The following RYR1 variants were observed in gnomAD, a reference collection of about 807,000 sequenced individuals.
RYR1 encodes the protein ryanodine receptor 1.
RYR1 carries 342 observed loss-of-function variants against 583.5 expected under a neutral mutation model. That is an observed-to-expected ratio of 0.59 (90% CI 0.54 to 0.64). The LOEUF (loss-of-function observed/expected upper bound fraction) is 0.64, where lower values mean the gene tolerates loss of function less well. RYR1 is among the 30% of genes least tolerant of loss of function. RYR1 has a pLI of 0.00. For missense variants in RYR1, 6,032 were observed against 6,917.2 expected (o/e 0.87, Z 4.54); for synonymous variants, 2,791 against 2,822.5 (o/e 0.99, Z 0.35).
chr19:38,489,960 G>C, intron 35 of RYR1, 116 bp from the exon 36 acceptor site: 1 of 1,063,980 alleles, frequency 9.4e-7, no homozygotes, highest in Non-Finnish European at 1.4e-6. Flanking sequence ...GGCGGGAAAT[G>C]ATTTTGGCTG....
rs140513109 is a variant in RYR1, at chr19:38,436,454, C to T, written c.45+2580C>T. On this transcript the variant is annotated intron_variant, in intron 1 of 105. Coordinates refer to ENST00000359596, the MANE Select transcript of RYR1 (RefSeq NM_000540.3). ...AAACTCCTGGGCTCAAGAAATCCTC[C>T]GGCCTTGGCCTCCCAAAGTTTTGGG... 5.9e-4 allele frequency among the ~76,000 whole-genome samples: 90 copies of T among 152,194 alleles called. 1 individual carries two copies. In the East Asian group the frequency reaches 9.5e-3, roughly 16 times the overall value.
At chr19:38,485,225 CCATCCCAGGGACCCCAGAGG>C (rs1969221535) in intron 33 of RYR1, among the ~76,000 whole-genome samples, 1 of 152,134 alleles carries the variant, frequency 6.6e-6, no homozygotes, top group Admixed American at 6.6e-5. Flanking sequence ...AAGTCCCAGA[CCATCCCAGGGACCCCAGAGG>C]TATCCCAGGG....
intron 102 of RYR1, 26 bp downstream of exon 102, chr19:38,585,125 G>A: frequency 6.2e-7 from 1 of 1,611,576 alleles, no homozygotes; most frequent in South Asian, 1.1e-5. Flanking sequence ...GGGCGCTCAG[G>A]GCCCGGAGGC....
intron 31 of RYR1, among the ~76,000 whole-genome samples, chr19:38,479,104 C>T (rs1298925593): frequency 6.6e-6 from 1 of 152,182 alleles, no homozygotes; most frequent in African/African-American, 2.4e-5. Flanking sequence ...GGTTTCTGTT[C>T]CCTCTTGAGC....
chr19:38,440,817 G>A lies in RYR1; in HGVS notation c.118G>A (p.Gly40Ser). The A allele has an allele frequency of 6.2e-7, 1 of 1,610,068 alleles. No homozygotes were observed. Among genetic ancestry groups the A allele is most frequent in the Non-Finnish European group, 8.5e-7 (1 of 1,179,002 alleles). Residue 40 changes from glycine (G) to serine (S), a missense_variant, in exon 2 of 106, where the codon GGC (glycine) becomes AGC (serine). Physicochemically the swap from Gly to Ser is moderately conservative, Grantham distance 56. Around this residue, in one of 11 missense-constraint regions of RYR1, gnomAD observed 71 missense variants for 75.3 expected, o/e 0.94. Coordinates refer to ENST00000359596, the MANE Select transcript of RYR1 (RefSeq NM_000540.3). The stretch of plus-strand genomic sequence containing the variant: ...GCTCAAGCTCTGCCTGGCCGCCGAG[G>A]GCTTCGGCAACCGCCTGTGCTTCCT... ...EQLKLCLAAE[G>S]FGNRLCFLEP...
rs1227863277 is a variant in RYR1, at chr19:38,506,300, C to G, written c.8542-3C>G. 1.2e-6 allele frequency: 2 copies of G among 1,614,032 alleles called. No homozygotes were observed. Among genetic ancestry groups the G allele is most frequent in the African/African-American group, 1.3e-5 (1 of 74,982 alleles). ...ACCTCCCATCTTCCCCTTGTCCTCT[C>G]AGACCTATGATCCTCGAGAAGGCTA... On this transcript the variant is annotated splice_polypyrimidine_tract_variant and splice_region_variant and intron_variant, in intron 54 of 105. Transcript: ENST00000359596.
Position 38,492,593 on chromosome 19 carries a change from A to C in RYR1, c.6231A>C (p.Glu2077Asp). The C allele has an allele frequency of 6.2e-7, 1 of 1,606,318 alleles. No individual in the cohort carries two copies. The highest frequency in any genetic ancestry group is 8.5e-7 in the Non-Finnish European group (1 of 1,175,378). Reference protein sequence around the residue: ...LEKVRLVKKKEEKPEEERSAE... With the variant: ...LEKVRLVKKKDEKPEEERSAE... ...AAGTGCGGCTGGTGAAGAAGAAGGA[A>C]GAGAAACCTGAGGAGGAGCGGTCAG... is the stretch of plus-strand genomic sequence containing the variant. Residue 2077 changes from glutamate (E) to aspartate (D), a missense_variant, in exon 38 of 106, where the codon GAA (glutamate) becomes GAC (aspartate). Around this residue, in one of 11 missense-constraint regions of RYR1, gnomAD observed 2,627 missense variants for 2,961.3 expected, o/e 0.89. Coordinates refer to ENST00000359596, the MANE Select transcript of RYR1 (RefSeq NM_000540.3).
chr19:38,525,635 C>T (rs1263920301), intron 71 of RYR1, 133 bp downstream of exon 71: 1 of 988,684 alleles, frequency 1.0e-6, no homozygotes, highest in African/African-American at 1.6e-5. Context: ...TCAGACCCCA[C>T]TGAGTTCTTT....
In RYR1 at chr19:38,528,592, C is replaced by T. The variant is rs201651099; in HGVS notation, c.10938-7C>T. ...CGTCCCAGTGACGTCACACCTCTCC[C>T]CTGCAGGCACCGGGCATGTAACATG... is the stretch of plus-strand genomic sequence containing the variant. On this transcript the variant is annotated splice_region_variant and splice_polypyrimidine_tract_variant and intron_variant, in intron 74 of 105. Coordinates refer to ENST00000359596, the MANE Select transcript of RYR1 (RefSeq NM_000540.3). The T allele has an allele frequency of 6.2e-7, 1 of 1,614,070 alleles. No homozygotes were observed. Among genetic ancestry groups the T allele is most frequent in the East Asian group, 2.2e-5 (1 of 44,876 alleles).
chr19:38,463,753 G>C lies in RYR1; in HGVS notation c.2689G>C (p.Asp897His), dbSNP rs1201573826. Residue 897 changes from aspartate (D) to histidine (H), a missense_variant, in exon 22 of 106, where the codon GAT (aspartate) becomes CAT (histidine). Coordinates refer to ENST00000359596, the MANE Select transcript of RYR1 (RefSeq NM_000540.3). Reference protein sequence around the residue: ...EQGWTYGPVRDDNKRLHPCLV... With the variant: ...EQGWTYGPVRHDNKRLHPCLV... ...GACCCTGGGTTTTCTCCAGGTTCGG[G>C]ATGACAACAAGAGGCTGCACCCGTG... The C allele has an allele frequency of 1.9e-6, 3 of 1,614,118 alleles. No homozygotes were observed. Among genetic ancestry groups the C allele is most frequent in the Non-Finnish European group, 2.5e-6 (3 of 1,180,006 alleles).
intron 58 of RYR1, among the ~76,000 whole-genome samples, chr19:38,509,035 A>G (rs1036107089): frequency 2.1e-5 from 3 of 141,610 alleles, no homozygotes; most frequent in South Asian, 4.9e-4. Context: ...AATCCCCTCC[A>G]GTTTCCCTTA....
chr19:38,549,765 G>T lies in RYR1; in HGVS notation c.12282+1345G>T, dbSNP rs1282290859. Reference sequence around the variant, plus strand: ...TTGTTGCCCAGGCTGGAGTGCAGTGGTGCAATCTCAGCTCAGTGCAACCTC... The same window carrying T: ...TTGTTGCCCAGGCTGGAGTGCAGTGTTGCAATCTCAGCTCAGTGCAACCTC... On this transcript the variant is annotated intron_variant, in intron 89 of 105. Transcript: ENST00000359596. Among the ~76,000 whole-genome samples, 3 of 134,814 alleles carry T rather than the reference G, an allele frequency of 2.2e-5. No homozygotes were observed. The East Asian group carries it at 6.8e-4, about 31-fold the overall frequency. The allele number at this position is 134,814 out of a possible 152,430, so 88.4% of individuals were successfully genotyped here.
At chr19:38,506,702 C>G in intron 56 of RYR1, 127 bp from the exon 57 acceptor site, 1 of 1,509,534 alleles carries the variant, frequency 6.6e-7, no homozygotes, top group South Asian at 1.2e-5. Context: ...CACCAGCAAG[C>G]AATGTTTCCG....
Position 38,473,413 on chromosome 19 carries a change from T to C in RYR1, c.3802T>C (p.Cys1268Arg). Residue 1268 changes from cysteine (C) to arginine (R), a missense_variant, in exon 28 of 106, where the codon TGC (cysteine) becomes CGC (arginine). By Grantham distance (180) the Cys-to-Arg change is radical. Coordinates refer to ENST00000359596, the MANE Select transcript of RYR1 (RefSeq NM_000540.3). ...GGACGGCACTGTGGACACGCCCCCC[T>C]GCCTGCGCCTGACCCACCGCACCTG... ...RVDGTVDTPP[C>R]LRLTHRTWGS... 6.2e-7 allele frequency: 1 copy of C among 1,613,844 alleles called. No individual in the cohort carries two copies. Among genetic ancestry groups the C allele is most frequent in the African/African-American group, 1.3e-5 (1 of 75,010 alleles).
chr19:38,496,788 G>C lies in RYR1; in HGVS notation c.6797-72G>C, dbSNP rs1747470460. The C allele has an allele frequency of 1.4e-6, 2 of 1,443,124 alleles. No individual in the cohort carries two copies. Among genetic ancestry groups the C allele is most frequent in the East Asian group, 4.5e-5 (2 of 44,014 alleles). The allele number at this position is 1,443,124 out of a possible 1,614,324, so 89.4% of individuals were successfully genotyped here. On this transcript the variant is annotated intron_variant, in intron 41 of 105. Coordinates refer to ENST00000359596, the MANE Select transcript of RYR1 (RefSeq NM_000540.3). The surrounding 1 kb of genome is among the most constrained non-coding windows in gnomAD (Gnocchi z 4.8). ...CCTGATCCAGGCTGGAAAAAGGGTG[G>C]TCAGGGAGGGCTTCCCAGAGGAGGC...
Position 38,486,195 on chromosome 19 carries a change from C to A in RYR1, c.5540C>A (p.Thr1847Asn), listed in dbSNP as rs1456354042. ...QFVPVLKLVSTLLVMGIFGDE... is the reference protein window; with the variant it reads ...QFVPVLKLVSNLLVMGIFGDE... ...GTGCCTGTGCTCAAGCTCGTGTCCA[C>A]CCTGCTGGTAATGGCTTCCTCCTGC... Residue 1847 changes from threonine (T) to asparagine (N), a missense_variant, in exon 34 of 106, where the codon ACC (threonine) becomes AAC (asparagine). Physicochemically the swap from Thr to Asn is moderately conservative, Grantham distance 65. Around this residue, in one of 11 missense-constraint regions of RYR1, gnomAD observed 2,627 missense variants for 2,961.3 expected, o/e 0.89. Transcript: ENST00000359596. 3.1e-6 allele frequency: 5 copies of A among 1,612,932 alleles called. No individual in the cohort carries two copies. The highest frequency in any genetic ancestry group is 1.7e-5 in the Admixed American group (1 of 60,010).
intron 33 of RYR1, among the ~76,000 whole-genome samples, chr19:38,484,378 T>C (rs114675312): frequency 0.091 from 13,670 of 150,394 alleles, 781 homozygotes; most frequent in South Asian, 0.19. Flanking sequence ...CTTCCTTCCT[T>C]CCTCCCTCCT....
In RYR1 at chr19:38,573,362, C is replaced by T. The variant is rs1973811908; in HGVS notation, c.14129+55C>T. On this transcript the variant is annotated intron_variant, in intron 96 of 105. Transcript: ENST00000359596. ...CAGCAGGAGGGGACCTGGGTTTCCA[C>T]CCAGTCCAGGCCTGGACCCCAAAAA... The T allele has an allele frequency of 2.5e-6, 4 of 1,598,866 alleles. No homozygotes were observed. The South Asian group carries it at 4.4e-5, about 18-fold the overall frequency.
intron 29 of RYR1, 149 bp from the exon 30 acceptor site, chr19:38,477,561 C>T (rs1968795150): frequency 4.5e-6 from 4 of 885,102 alleles, no homozygotes; most frequent in Admixed American, 2.0e-5. Context: ...CAGAAACAGA[C>T]ATAACCAGGG....
Sources: allele counts gnomAD v4.1 joint callset (sites outside exome capture counted in the v4.1 genomes callset), GRCh38; gene constraint gnomAD v4.1.1; regional missense constraint gnomAD v4.1.1; non-coding constraint Gnocchi (gnomAD v3.1); transcripts MANE v1.5; gene names NCBI Gene and HGNC (gene_info 2026-07-23, HGNC 2026-07-21).